CFTR: variants seen among roughly 807,000 people sequenced by gnomAD.
The protein encoded by CFTR is CF transmembrane conductance regulator.
CFTR carries 181 observed loss-of-function variants against 171.6 expected under a neutral mutation model. That is an observed-to-expected ratio of 1.05 (90% CI 0.93 to 1.19). CFTR has a LOEUF of 1.19. Ranked by LOEUF, CFTR falls within the 50% of genes most tolerant of loss-of-function variation. The probability of loss-of-function intolerance (pLI) is 0.00; values close to 1 mark genes in which losing one functional copy is unlikely to be tolerated. For synonymous variants in CFTR, 583 were observed against 608.0 expected, an observed-to-expected ratio of 0.96 and a Z score of 0.60; for missense variants, 1,968 against 1,734.7, an observed-to-expected ratio of 1.13 and a Z score of -2.39.
chr7:117,546,831 C>T (rs1283561039), intron 9 of CFTR, among the ~76,000 whole-genome samples: 1 of 152,194 alleles, frequency 6.6e-6, no homozygotes, highest in Non-Finnish European at 1.5e-5. Flanking sequence ...ATCCATCTTC[C>T]TGGAACACCT....
At chr7:117,651,588 G>A (rs747503568) in intron 23 of CFTR, among the ~76,000 whole-genome samples, 11 of 152,048 alleles carry the variant, frequency 7.2e-5, no homozygotes, top group Non-Finnish European at 1.6e-4. Context: ...TATTCCCTCT[G>A]TAAAGCAATG....
chr7:117,509,357 A>G (rs527566938), intron 3 of CFTR, among the ~76,000 whole-genome samples: 33 of 152,270 alleles, frequency 2.2e-4, no homozygotes, highest in African/African-American at 7.0e-4. Flanking sequence ...TACAATCTCA[A>G]TGGGCTCAGC....
At chr7:117,588,271 CA>C (rs1450716768) in intron 12 of CFTR, among the ~76,000 whole-genome samples, 12 of 151,994 alleles carry the variant, frequency 7.9e-5, no homozygotes, top group Admixed American at 4.6e-4. Flanking sequence ...AATAGGAAGG[CA>C]AATGATGTCA....
chr7:117,492,095 A>G (rs1798168453), intron 1 of CFTR, among the ~76,000 whole-genome samples: 1 of 152,068 alleles, frequency 6.6e-6, no homozygotes, highest in Non-Finnish European at 1.5e-5. Context: ...ATGACTTTCC[A>G]TTTATGAAAT....
chr7:117,482,840 TG>T (rs1798018970), intron 1 of CFTR, among the ~76,000 whole-genome samples: 1 of 152,208 alleles, frequency 6.6e-6, no homozygotes, highest in Non-Finnish European at 1.5e-5. Context: ...TATCAAACCG[TG>T]TGTCACATGA....
intron 1 of CFTR, among the ~76,000 whole-genome samples, chr7:117,495,446 A>C (rs1449232717): frequency 6.6e-6 from 1 of 152,104 alleles, no homozygotes; most frequent in African/African-American, 2.4e-5. Flanking sequence ...GAGTCTTTGA[A>C]ATCCAAGTCA....
At chr7:117,588,925 A>G (rs1262249388) in intron 12 of CFTR, among the ~76,000 whole-genome samples, 1 of 152,130 alleles carries the variant, frequency 6.6e-6, no homozygotes, top group Non-Finnish European at 1.5e-5. Context: ...CAGGCTTCTA[A>G]ATAAATGGAA....
At chr7:117,665,656 G>A (rs1482502297) in intron 26 of CFTR, 92 bp downstream of exon 26, 5 of 841,038 alleles carry the variant, frequency 5.9e-6, no homozygotes, top group Middle Eastern at 2.2e-4. Flanking sequence ...TTGCAACAAT[G>A]TACAAGTTCT....
At chr7:117,499,762 C>T (rs1798292390) in intron 1 of CFTR, among the ~76,000 whole-genome samples, 1 of 151,602 alleles carries the variant, frequency 6.6e-6, no homozygotes, top group African/African-American at 2.4e-5. Context: ...TTGCAACCAG[C>T]TTGGGCAGGC....
intron 13 of CFTR, among the ~76,000 whole-genome samples, chr7:117,591,350 T>C (rs1792021072): frequency 6.6e-6 from 1 of 152,100 alleles, no homozygotes. Context: ...TAGATGATTC[T>C]AGTCAGGATT....
At chr7:117,603,875 C>T (rs527572112) in intron 17 of CFTR, 93 bp downstream of exon 17, 98 of 1,383,666 alleles carry the variant, frequency 7.1e-5, no homozygotes, top group African/African-American at 5.2e-4. Context: ...CTGGCTTTTG[C>T]ACAGAGGCAT....
At chr7:117,656,689 G>A (rs1793188792) in intron 24 of CFTR, among the ~76,000 whole-genome samples, 1 of 152,114 alleles carries the variant, frequency 6.6e-6, no homozygotes. Flanking sequence ...AAATTATTTT[G>A]TTTTATTAAA....
chr7:117,488,788 G>C (rs1482951797), intron 1 of CFTR, among the ~76,000 whole-genome samples: 2 of 152,042 alleles, frequency 1.3e-5, no homozygotes, highest in Non-Finnish European at 2.9e-5. Flanking sequence ...ACATTTATAT[G>C]TAATTTTCTT....
At chr7:117,545,025 A>T (rs1799116090) in intron 9 of CFTR, among the ~76,000 whole-genome samples, 2 of 152,218 alleles carry the variant, frequency 1.3e-5, no homozygotes, top group Non-Finnish European at 2.9e-5. Context: ...CATGTTGCTG[A>T]TAAAGACATA....
chr7:117,614,643 T>C lies in CFTR; in HGVS notation c.3398T>C (p.Leu1133Pro). Residue 1133 changes from leucine to proline, a missense_variant, in exon 21 of 27, where the codon CTG becomes CCG. Leu to Pro is a moderately conservative substitution (Grantham distance 98). Coordinates refer to ENST00000003084, the MANE Select transcript of CFTR (RefSeq NM_000492.4). The part of the protein sequence containing the change: ...GEGEGRVGII[L>P]TLAMNIMSTL... ...GGAGAAGGAAGAGTTGGTATTATCC[T>C]GACTTTAGCCATGAATATCATGAGT... The C allele has an allele frequency of 6.2e-7, 1 of 1,612,176 alleles. No homozygotes were observed. The highest frequency in any genetic ancestry group is 8.5e-7 in the Non-Finnish European group (1 of 1,178,478).
At chr7:117,494,292 G>T (rs1798205118) in intron 1 of CFTR, among the ~76,000 whole-genome samples, 1 of 151,962 alleles carries the variant, frequency 6.6e-6, no homozygotes, top group South Asian at 2.1e-4. Flanking sequence ...GCAGTAACTT[G>T]CAAGCTAGTG....
At chr7:117,596,847 G>T (rs1792137403) in intron 15 of CFTR, among the ~76,000 whole-genome samples, 1 of 152,152 alleles carries the variant, frequency 6.6e-6, no homozygotes, top group African/African-American at 2.4e-5. Flanking sequence ...AGCACTCTCT[G>T]TCTAGCTCAG....
intron 11 of CFTR, among the ~76,000 whole-genome samples, chr7:117,562,300 G>A (rs1357914481): frequency 6.6e-6 from 1 of 152,130 alleles, no homozygotes; most frequent in Non-Finnish European, 1.5e-5. Context: ...AAAGATGGAG[G>A]TTGGTGTAAT....
chr7:117,545,862 G>A (rs749298628), intron 9 of CFTR, among the ~76,000 whole-genome samples: 38 of 151,478 alleles, frequency 2.5e-4, no homozygotes, highest in Non-Finnish European at 3.5e-4. Flanking sequence ...GCTCTATCAC[G>A]TGGGCTGGAG....
Sources: gnomAD v4.1 joint callset for allele counts (sites outside exome capture counted in the v4.1 genomes callset) on GRCh38, gnomAD v4.1.1 for gene constraint, MANE v1.5 for transcripts, NCBI Gene and HGNC (gene_info 2026-07-23, HGNC 2026-07-21) for gene names.